Variants in SNX29 observed in about 807,000 individuals in gnomAD.
SNX29 encodes the protein sorting nexin 29, also known as sorting nexin-29.
Under a neutral mutation model 102.1 loss-of-function variants are expected in SNX29, and 78 were observed. The ratio of observed to expected loss-of-function variants is 0.76; its 90% CI spans 0.64 to 0.92. The LOEUF (loss-of-function observed/expected upper bound fraction) is 0.92. Among genes scored for constraint, SNX29 ranks in the 40% least tolerant of loss-of-function variants. The pLI is 0.00. For missense variants in SNX29, 1,280 were observed against 1,061.7 expected (o/e 1.21, Z -2.86); for synonymous variants, 580 against 414.5 (o/e 1.40, Z -4.85).
At chr16:12,550,327 G>A (rs570870865) in intron 20 of SNX29, among the ~76,000 whole-genome samples, 49 of 152,208 alleles carry the variant, frequency 3.2e-4, no homozygotes, top group Middle Eastern at 6.8e-3. Flanking sequence ...ACCTGAGGTC[G>A]AGTGTGAGAC....
intron 17 of SNX29, 48 bp downstream of exon 17, chr16:12,398,549 C>T: frequency 6.2e-7 from 1 of 1,602,402 alleles, no homozygotes; most frequent in Non-Finnish European, 8.6e-7. Flanking sequence ...AAACTGGACT[C>T]TGTTGTTGGC....
chr16:12,559,181 C>G (rs1306088215), intron 20 of SNX29, among the ~76,000 whole-genome samples: 5 of 152,116 alleles, frequency 3.3e-5, no homozygotes, highest in South Asian at 2.1e-4. Context: ...CTGTTAGGTA[C>G]TGGGCTACAC....
At chr16:12,534,164 G>A (rs1337771035) in intron 20 of SNX29, among the ~76,000 whole-genome samples, 1 of 152,236 alleles carries the variant, frequency 6.6e-6, no homozygotes, top group Admixed American at 6.5e-5. Context: ...CGCGGCCTCT[G>A]CGGTTCTGAC....
chr16:11,994,312 A>G (rs1232095525), intron 1 of SNX29, among the ~76,000 whole-genome samples: 1 of 152,182 alleles, frequency 6.6e-6, no homozygotes, highest in African/African-American at 2.4e-5. Context: ...GGTGATCTAA[A>G]TGAGAAATAA....
chr16:12,059,845 C>T (rs1009194559), intron 8 of SNX29, among the ~76,000 whole-genome samples: 31 of 152,252 alleles, frequency 2.0e-4, no homozygotes, highest in Admixed American at 7.2e-4. Flanking sequence ...GGAGACGACT[C>T]GGTGCACTTG....
intron 18 of SNX29, among the ~76,000 whole-genome samples, chr16:12,470,822 G>T (rs138535754): frequency 2.0e-5 from 3 of 152,312 alleles, no homozygotes; most frequent in Admixed American, 2.0e-4. Context: ...AAAGGCAGCC[G>T]ATGATGAAGG....
chr16:12,011,189 GTT>G (rs369528003), intron 3 of SNX29, among the ~76,000 whole-genome samples: 21 of 124,022 alleles, frequency 1.7e-4, no homozygotes, highest in Non-Finnish European at 2.6e-4. Context: ...ATTGCTTGGG[GTT>G]TTTTTTTTTT....
intron 16 of SNX29, among the ~76,000 whole-genome samples, chr16:12,389,263 T>C (rs1350095503): frequency 1.3e-5 from 2 of 152,188 alleles, no homozygotes; most frequent in East Asian, 1.9e-4. Context: ...AGAACTGATA[T>C]GGATTGGCTG....
intron 5 of SNX29, among the ~76,000 whole-genome samples, chr16:12,044,724 G>A (rs569221041): frequency 6.6e-6 from 1 of 152,196 alleles, no homozygotes; most frequent in South Asian, 2.1e-4. Context: ...GTCTGCCAGC[G>A]CCTGCCACCA....
chr16:12,169,743 G>A (rs1170814267), intron 13 of SNX29, among the ~76,000 whole-genome samples: 1 of 152,014 alleles, frequency 6.6e-6, no homozygotes, highest in Non-Finnish European at 1.5e-5. Context: ...TGCCTGTAAT[G>A]CCAGCTACTT....
intron 14 of SNX29, among the ~76,000 whole-genome samples, chr16:12,238,682 A>G (rs2078011925): frequency 6.6e-6 from 1 of 152,212 alleles, no homozygotes; most frequent in Non-Finnish European, 1.5e-5. Flanking sequence ...ATTGCAAACC[A>G]TGCCAATAAT....
intron 15 of SNX29, among the ~76,000 whole-genome samples, chr16:12,317,369 C>T (rs1461670035): frequency 6.6e-6 from 1 of 152,194 alleles, no homozygotes; most frequent in African/African-American, 2.4e-5. Flanking sequence ...TCTGTCTTGG[C>T]TCTTCCGTGA....
intron 14 of SNX29, among the ~76,000 whole-genome samples, chr16:12,257,697 T>TC (rs1424844442): frequency 5.9e-5 from 9 of 151,872 alleles, no homozygotes; most frequent in Non-Finnish European, 1.3e-4. Context: ...AAAATTTTTT[T>TC]TTTTTTTTTT....
At chr16:12,019,694 G>A (rs1290437311) in intron 3 of SNX29, among the ~76,000 whole-genome samples, 1 of 149,396 alleles carries the variant, frequency 6.7e-6, no homozygotes, top group Non-Finnish European at 1.5e-5. Context: ...GGAGTGCAGT[G>A]GCGTGATCTT....
At chr16:12,206,092 C>T (rs1762062564) in intron 14 of SNX29, among the ~76,000 whole-genome samples, 1 of 152,178 alleles carries the variant, frequency 6.6e-6, no homozygotes, top group Non-Finnish European at 1.5e-5. Flanking sequence ...CAGCTGGATT[C>T]TCCTGATCGT....
intron 15 of SNX29, among the ~76,000 whole-genome samples, chr16:12,308,941 C>T (rs2080440469): frequency 6.6e-6 from 1 of 152,164 alleles, no homozygotes; most frequent in Admixed American, 6.5e-5. Flanking sequence ...CGGGGAAATG[C>T]AGGTCACAAC....
chr16:12,558,491 T>C (rs1338025979), intron 20 of SNX29, among the ~76,000 whole-genome samples: 1 of 152,174 alleles, frequency 6.6e-6, no homozygotes, highest in Non-Finnish European at 1.5e-5. Context: ...GCACAGTGCA[T>C]CTTTAGTTTT....
chr16:12,485,101 T>TGAGTA (rs565777543), intron 19 of SNX29, among the ~76,000 whole-genome samples: 29 of 152,220 alleles, frequency 1.9e-4, no homozygotes, highest in Non-Finnish European at 3.4e-4. Context: ...ATTCCAAAAG[T>TGAGTA]GAGTACATAA....
chr16:12,551,367 T>C (rs545016866), intron 20 of SNX29, among the ~76,000 whole-genome samples: 1 of 152,210 alleles, frequency 6.6e-6, no homozygotes, highest in South Asian at 2.1e-4. Context: ...GTCTTTCCAT[T>C]TGCAGAACTT....
Sources: gnomAD v4.1 joint callset for allele counts (sites outside exome capture counted in the v4.1 genomes callset) on GRCh38, gnomAD v4.1.1 for gene constraint, MANE v1.5 for transcripts, NCBI Gene and HGNC (gene_info 2026-07-23, HGNC 2026-07-21) for gene names.